Variants in DEPTOR observed in about 807,000 individuals in gnomAD.
DEPTOR encodes DEP domain-containing mTOR-interacting protein.
A neutral mutation model predicts 41.6 loss-of-function variants in DEPTOR; 41 were observed. The ratio of observed to expected loss-of-function variants is 0.98; its 90% confidence interval spans 0.77 to 1.28. The LOEUF (loss-of-function observed/expected upper bound fraction) is 1.28. Ranked by LOEUF, DEPTOR falls within the 50% of genes most tolerant of loss-of-function variation. The pLI is 0.00. For synonymous variants in DEPTOR, 195 were observed against 192.3 expected (o/e 1.01, Z -0.12); for missense variants, 514 against 527.9 (o/e 0.97, Z 0.26).
intron 3 of DEPTOR, among the ~76,000 whole-genome samples, chr8:119,958,505 C>A (rs1828447149): frequency 6.6e-6 from 1 of 152,186 alleles, no homozygotes; most frequent in Middle Eastern, 3.4e-3. Context: ...CATAACGTGG[C>A]CGGGCATGGT....
intron 1 of DEPTOR, among the ~76,000 whole-genome samples, chr8:119,911,679 C>T (rs1406376446): frequency 2.0e-5 from 3 of 152,184 alleles, no homozygotes; most frequent in East Asian, 1.9e-4. Context: ...GGTTATGTAA[C>T]ATTTCTTATC....
chr8:119,941,653 T>C (rs1205850395), intron 3 of DEPTOR, among the ~76,000 whole-genome samples: 3 of 152,066 alleles, frequency 2.0e-5, no homozygotes, highest in African/African-American at 7.2e-5. Flanking sequence ...CCAGGGCGAG[T>C]AGCCCTTACT....
chr8:120,033,501 C>A (rs926188269), intron 8 of DEPTOR, among the ~76,000 whole-genome samples: 2 of 152,128 alleles, frequency 1.3e-5, no homozygotes, highest in African/African-American at 4.8e-5. Flanking sequence ...CTCCAGAGCC[C>A]TTGGTCTTTT....
intron 4 of DEPTOR, among the ~76,000 whole-genome samples, chr8:119,970,966 C>T (rs1828623927): frequency 6.6e-6 from 1 of 152,120 alleles, no homozygotes; most frequent in Non-Finnish European, 1.5e-5. Flanking sequence ...CACAGTGGCT[C>T]ACACCCGTAA....
intron 8 of DEPTOR, among the ~76,000 whole-genome samples, chr8:120,020,643 G>A (rs1812687680): frequency 6.6e-6 from 1 of 152,198 alleles, no homozygotes; most frequent in Admixed American, 6.5e-5. Context: ...CTGGCAGGAG[G>A]GCTGCTGTCG....
At chr8:119,904,932 C>T (rs1266823535) in intron 1 of DEPTOR, among the ~76,000 whole-genome samples, 2 of 149,438 alleles carry the variant, frequency 1.3e-5, no homozygotes, top group Admixed American at 6.7e-5. Context: ...GCTAGGACTA[C>T]AGGCACACGC....
intron 1 of DEPTOR, among the ~76,000 whole-genome samples, chr8:119,911,614 G>A (rs1392168409): frequency 3.3e-5 from 5 of 151,970 alleles, no homozygotes; most frequent in South Asian, 2.1e-4. Flanking sequence ...CACCGTGCCT[G>A]GCCCCTGCTG....
intron 4 of DEPTOR, among the ~76,000 whole-genome samples, chr8:119,973,022 C>T (rs1170795491): frequency 6.6e-6 from 1 of 151,616 alleles, no homozygotes; most frequent in African/African-American, 2.4e-5. Context: ...TTACCACAAC[C>T]TTCGCCTCCC....
Position 120,002,790 on chromosome 8 carries a change from AAAT to A in DEPTOR, c.791-185_791-183del, listed in dbSNP as rs1418695579. Among the ~76,000 whole-genome samples the A allele has an allele frequency of 6.7e-4, 67 of 100,154 alleles. 1 individual carries two copies. Among genetic ancestry groups the A allele is most frequent in the African/African-American group, 2.9e-3 (65 of 22,620 alleles). 65.7% of individuals were successfully genotyped at this position (100,154 alleles called of 152,430 possible). On this transcript the variant is annotated intron_variant, in intron 5 of 8. Coordinates refer to ENST00000286234, the MANE Select transcript of DEPTOR (RefSeq NM_022783.4). The stretch of plus-strand genomic sequence containing the variant: ...AGACTCCATCTCAAAAAAAAAAAAA[AAAT>A]ATATATATATATATATATAATATAA...
intron 1 of DEPTOR, among the ~76,000 whole-genome samples, chr8:119,899,610 T>TA (rs1827561195): frequency 6.6e-6 from 1 of 152,230 alleles, no homozygotes; most frequent in Non-Finnish European, 1.5e-5. Context: ...TTTTGTTTTG[T>TA]AAAACATTTT....
At chr8:119,877,319 C>A (rs116783603) in intron 1 of DEPTOR, among the ~76,000 whole-genome samples, 2,827 of 152,250 alleles carry the variant, frequency 0.019, 88 homozygotes, top group African/African-American at 0.063. Flanking sequence ...AAATGAATAT[C>A]GTAAGTATTC....
At chr8:120,020,025 G>A (rs140808031) in intron 8 of DEPTOR, among the ~76,000 whole-genome samples, 4 of 152,092 alleles carry the variant, frequency 2.6e-5, no homozygotes, top group South Asian at 2.1e-4. Flanking sequence ...CCCACTTTCC[G>A]AAATCTCCAG....
rs138176729 is a variant in DEPTOR at position 119,913,560 on chromosome 8, G to C, written c.123-14840G>C. Among the ~76,000 whole-genome samples, 4 of 152,288 alleles carry C rather than the reference G, an allele frequency of 2.6e-5. No individual in the cohort carries two copies. The East Asian group carries it at 7.7e-4, about 29-fold the overall frequency. On this transcript the variant is annotated intron_variant, in intron 1 of 8. Transcript: ENST00000286234. ...CAAGTGAGAGTGGGATGTGACTGCT[G>C]TTACCTTTTAAATGTCTTTCTAAGC...
At chr8:119,910,874 A>G (rs1458589230) in intron 1 of DEPTOR, among the ~76,000 whole-genome samples, 1 of 152,158 alleles carries the variant, frequency 6.6e-6, no homozygotes, top group East Asian at 1.9e-4. Flanking sequence ...AGTAAGGGAT[A>G]GTTAACCCCC....
chr8:120,030,203 G>T (rs1375990732), intron 8 of DEPTOR, among the ~76,000 whole-genome samples: 1 of 152,114 alleles, frequency 6.6e-6, no homozygotes, highest in Non-Finnish European at 1.5e-5. Flanking sequence ...GGAATCCTGG[G>T]CTGTGATGTA....
At chr8:120,008,448 G>C (rs546761827) in intron 7 of DEPTOR, among the ~76,000 whole-genome samples, 1 of 148,100 alleles carries the variant, frequency 6.8e-6, no homozygotes, top group African/African-American at 2.5e-5. Context: ...AGAATCGCTT[G>C]AACCCGGGAG....
rs759755175 is a variant in DEPTOR, at chr8:120,001,585, G to A, written c.665G>A (p.Arg222Gln). The A allele has an allele frequency of 9.3e-6, 15 of 1,613,524 alleles. No homozygotes were observed. The East Asian group carries it at 1.1e-4, about 12-fold the overall frequency. Reference protein sequence around the residue: ...NLLYQFRMNFRRRRRLMELLN... With the variant: ...NLLYQFRMNFQRRRRLMELLN... Reference sequence around the variant, plus strand: ...CTCTACCAGTTCAGAATGAACTTCCGGCGGAGGCGAAGACTGATGGAGCTG... The same window carrying A: ...CTCTACCAGTTCAGAATGAACTTCCAGCGGAGGCGAAGACTGATGGAGCTG... The change falls in exon 5 of 9, where the codon CGG becomes CAG. Residue 222 changes from arginine (R) to glutamine (Q), a missense_variant. Coordinates refer to ENST00000286234, the MANE Select transcript of DEPTOR (RefSeq NM_022783.4).
chr8:120,015,811 G>T (rs1229650580), intron 8 of DEPTOR, among the ~76,000 whole-genome samples: 2 of 152,156 alleles, frequency 1.3e-5, no homozygotes, highest in East Asian at 3.9e-4. Context: ...GGGCTCAGGG[G>T]ATTGGTTTGA....
At chr8:119,975,149 A>T (rs1468908703) in intron 4 of DEPTOR, among the ~76,000 whole-genome samples, 1 of 152,036 alleles carries the variant, frequency 6.6e-6, no homozygotes, top group Non-Finnish European at 1.5e-5. Flanking sequence ...AAAAAAAAAA[A>T]ATTTTTTTAA....
Sources: gnomAD v4.1 joint callset for allele counts (sites outside exome capture counted in the v4.1 genomes callset) on GRCh38, gnomAD v4.1.1 for gene constraint, MANE v1.5 for transcripts, NCBI Gene and HGNC (gene_info 2026-07-23, HGNC 2026-07-21) for gene names.